The following YIF1A variants were observed in gnomAD, a reference collection of about 807,000 sequenced individuals.
The protein encoded by YIF1A is protein YIF1A.
YIF1A carries 28 observed loss-of-function variants against 32.6 expected under a neutral mutation model. That is an observed-to-expected ratio of 0.86 (90% confidence interval 0.64 to 1.18). The LOEUF is 1.18. Ranked by LOEUF, YIF1A falls within the 50% of genes most tolerant of loss-of-function variation. The pLI, the probability that YIF1A is intolerant of heterozygous loss-of-function variation, is 0.00. For missense variants in YIF1A, 373 were observed against 390.8 expected, an observed-to-expected ratio of 0.95 and a Z score of 0.38; for synonymous variants, 175 against 162.2, an observed-to-expected ratio of 1.08 and a Z score of -0.60.
At chr11:66,285,797 T>C (rs750007527) in intron 4 of YIF1A, 39 bp from the exon 5 acceptor site, 18 of 1,609,106 alleles carry the variant, frequency 1.1e-5, no homozygotes, top group Middle Eastern at 2.1e-4. Flanking sequence ...CTTGGCTTCC[T>C]CCATCAGAGC....
intron 4 of YIF1A, 50 bp downstream of exon 4, chr11:66,287,547 TC>T: frequency 1.5e-4 from 237 of 1,533,902 alleles, no homozygotes; most frequent in East Asian, 2.8e-4. Flanking sequence ...AAGGCACAAG[TC>T]CCCCCCGACC....
At chr11:66,285,237 A>G (rs1857335640) in intron 6 of YIF1A, 144 bp downstream of exon 6, 1 of 1,268,788 alleles carries the variant, frequency 7.9e-7, no homozygotes, top group East Asian at 2.3e-5. Flanking sequence ...GATCCTCAGG[A>G]GACTGCTGGA....
chr11:66,287,918 TGGGAG>T lies in YIF1A; in HGVS notation c.244-7_244-3del. ...GCTCACAGACACAAAACGGTGCAGC[TGGGAG>T]GGGAGAGAGGAAGCTGTGGGCAAGC... is the stretch of plus-strand genomic sequence containing the variant. On this transcript the variant is annotated splice_polypyrimidine_tract_variant and splice_region_variant and intron_variant, in intron 2 of 7. Coordinates refer to ENST00000376901, the MANE Select transcript of YIF1A (RefSeq NM_020470.3). The T allele has an allele frequency of 6.2e-7, 1 of 1,612,740 alleles. No individual in the cohort carries two copies. The highest frequency in any genetic ancestry group is 8.5e-7 in the Non-Finnish European group (1 of 1,179,916).
chr11:66,288,671 A>C (rs3132851), intron 1 of YIF1A, among the ~76,000 whole-genome samples: 122,635 of 152,238 alleles, frequency 0.81, 49,507 homozygotes, highest in Admixed American at 0.84. Context: ...GGCTACCTGG[A>C]GGCCCTGGAC....
chr11:66,287,750 T>C, intron 3 of YIF1A, 62 bp downstream of exon 3: 3 of 1,602,280 alleles, frequency 1.9e-6, no homozygotes, highest in Non-Finnish European at 2.6e-6. Flanking sequence ...GGGGTTGAGG[T>C]CTGGGGGCCA....
Position 66,287,796 on chromosome 11 carries a change from T to C in YIF1A, c.348+16A>G. 1 of 1,613,406 alleles carries C rather than the reference T, an allele frequency of 6.2e-7. No homozygotes were observed. Among genetic ancestry groups the C allele is most frequent in the Non-Finnish European group, 8.5e-7 (1 of 1,179,454 alleles). ...GAATGAGGAAGGCCCACCAGCTCCC[T>C]TGGTAGGAAGCTCACCTGGTGTGTG... On this transcript the variant is annotated intron_variant, in intron 3 of 7. Coordinates refer to ENST00000376901, the MANE Select transcript of YIF1A (RefSeq NM_020470.3).
In YIF1A at chr11:66,284,685, G is replaced by A; in HGVS notation, c.834C>T (p.Ala278=). 6.2e-7 allele frequency: 1 copy of A among 1,612,836 alleles called. No homozygotes were observed. The highest frequency in any genetic ancestry group is 8.5e-7 in the Non-Finnish European group (1 of 1,179,960). Residue 278 remains alanine (A), a synonymous_variant, in exon 8 of 8, where the codon GCC becomes GCT. Coordinates refer to ENST00000376901, the MANE Select transcript of YIF1A (RefSeq NM_020470.3). ...LQLYLTLGAA[A]FQPLIIYWLT... is the part of the protein sequence containing the mutation. Reference sequence around the variant, plus strand: ...GCCAGTATATGATGAGGGGCTGGAAGGCTGCAGCTCCCAGAGTCAGGTAGA... The same window carrying A: ...GCCAGTATATGATGAGGGGCTGGAAAGCTGCAGCTCCCAGAGTCAGGTAGA...
Position 66,287,285 on chromosome 11 carries a change from C to T in YIF1A, c.427+313G>A, listed in dbSNP as rs2134888957. 10 of 395,394 alleles carry T rather than the reference C, an allele frequency of 2.5e-5. No homozygotes were observed. The South Asian group carries it at 3.2e-4, about 13-fold the overall frequency. 24.5% of individuals were successfully genotyped at this position (395,394 alleles called of 1,614,324 possible). On this transcript the variant is annotated intron_variant, in intron 4 of 7. Coordinates refer to ENST00000376901, the MANE Select transcript of YIF1A (RefSeq NM_020470.3). ...TTACTGAAAAGTACAAATAACCAGCCTGAAATCCCATAGCTGGAGTCTGCA... is the reference window on the plus strand; with the variant it reads ...TTACTGAAAAGTACAAATAACCAGCTTGAAATCCCATAGCTGGAGTCTGCA...
chr11:66,287,030 T>A (rs1857367294), intron 4 of YIF1A: 1 of 157,826 alleles, frequency 6.3e-6, no homozygotes, highest in Non-Finnish European at 1.4e-5. Context: ...AAATGCCATG[T>A]GGACAGGCAG....
chr11:66,285,595 A>G (rs1857342986), intron 5 of YIF1A, 59 bp from the exon 6 acceptor site: 19 of 1,611,242 alleles, frequency 1.2e-5, no homozygotes, highest in Non-Finnish European at 1.6e-5. Context: ...TGAGGAAGAG[A>G]GACTGGGGCA....
Position 66,288,943 on chromosome 11 carries a change from C to T in YIF1A, c.31+12G>A. On this transcript the variant is annotated intron_variant, in intron 1 of 7. Coordinates refer to ENST00000376901, the MANE Select transcript of YIF1A (RefSeq NM_020470.3). ...CGCCGGCCGCGCCGCGCCCCGCCCGCGCCCCACGCACCGTGGGCTCCGTAG... is the reference window on the plus strand; with the variant it reads ...CGCCGGCCGCGCCGCGCCCCGCCCGTGCCCCACGCACCGTGGGCTCCGTAG... 1.3e-6 allele frequency: 2 copies of T among 1,504,208 alleles called. No individual in the cohort carries two copies. The highest frequency in any genetic ancestry group is 2.3e-5 in the Admixed American group (1 of 43,160). 93.2% of individuals were successfully genotyped at this position (1,504,208 alleles called of 1,614,324 possible).
At position 66,285,511 on chromosome 11, in the gene YIF1A, A is replaced by G; in HGVS notation, c.511T>C (p.Cys171Arg). The change falls in exon 6 of 8, where the codon TGT becomes CGT. Residue 171 changes from cysteine to arginine, a missense_variant. Transcript: ENST00000376901. ...ACCCACACCAGCGCTGTGCTTGCAC[A>G]CAGGCCCAGCACCTCCGGGGAGAAC... ...KRFSPEVLGLCASTALVWVVM... is the reference protein window; with the variant it reads ...KRFSPEVLGLRASTALVWVVM... The G allele has an allele frequency of 6.2e-7, 1 of 1,613,132 alleles. No homozygotes were observed.
At chr11:66,286,434 T>G (rs949550556) in intron 4 of YIF1A, among the ~76,000 whole-genome samples, 2 of 152,150 alleles carry the variant, frequency 1.3e-5, no homozygotes, top group African/African-American at 4.8e-5. Flanking sequence ...CTGGGCAACA[T>G]GGCAAAACCC....
intron 1 of YIF1A, 77 bp from the exon 2 acceptor site, chr11:66,288,369 G>T: frequency 6.4e-7 from 1 of 1,570,532 alleles, no homozygotes. Context: ...TCCCTGGCTG[G>T]ACAGCCCTGC....
rs573115121 is a variant in YIF1A at position 66,286,588 on chromosome 11, C to T, written c.428-830G>A. 1.1e-4 allele frequency among the ~76,000 whole-genome samples: 17 copies of T among 152,332 alleles called. No homozygotes were observed. The South Asian group carries it at 2.5e-3, about 22-fold the overall frequency. ...GCTGCAGTGAGCCAAGATCACACCA[C>T]TGTACTCCAGACTGGGTGACAGAGT... is the stretch of plus-strand genomic sequence containing the variant. On this transcript the variant is annotated intron_variant, in intron 4 of 7. Coordinates refer to ENST00000376901, the MANE Select transcript of YIF1A (RefSeq NM_020470.3).
chr11:66,289,089 G>A lies in YIF1A; in HGVS notation c.-104C>T. ...CCCAGGGTACCGACCGAGGCCACCCGGCCGCGCGACACGTCCCCCACCCCG... is the reference window on the plus strand; with the variant it reads ...CCCAGGGTACCGACCGAGGCCACCCAGCCGCGCGACACGTCCCCCACCCCG... On this transcript the variant is annotated 5_prime_UTR_variant, in exon 1 of 8. Transcript: ENST00000376901. 2.8e-6 allele frequency: 4 copies of A among 1,420,592 alleles called. No individual in the cohort carries two copies. Among genetic ancestry groups the A allele is most frequent in the Non-Finnish European group, 3.7e-6 (4 of 1,084,452 alleles). The allele number at this position is 1,420,592 out of a possible 1,614,324, so 88.0% of individuals were successfully genotyped here.
At chr11:66,285,183 G>A (rs1034922998) in intron 6 of YIF1A, 198 bp downstream of exon 6, 23 of 948,988 alleles carry the variant, frequency 2.4e-5, no homozygotes, top group South Asian at 1.1e-4. Context: ...CCCAAGACTC[G>A]CAGAGTGACT....
At chr11:66,285,619 T>C in intron 5 of YIF1A, 82 bp downstream of exon 5, 6 of 1,610,052 alleles carry the variant, frequency 3.7e-6, no homozygotes, top group Non-Finnish European at 5.1e-6. Flanking sequence ...GAGGGTGAGC[T>C]GGGGACCACC....
At chr11:66,285,874 C>T in intron 4 of YIF1A, 116 bp from the exon 5 acceptor site, 2 of 1,167,460 alleles carry the variant, frequency 1.7e-6, no homozygotes, top group Non-Finnish European at 2.4e-6. Context: ...CCCAGCATGG[C>T]CTGACCTCCA....
Sources: allele counts gnomAD v4.1 joint callset (sites outside exome capture counted in the v4.1 genomes callset), GRCh38; gene constraint gnomAD v4.1.1; transcripts MANE v1.5; gene names NCBI Gene and HGNC (gene_info 2026-07-23, HGNC 2026-07-21).